Variants in PPM1H observed in about 807,000 individuals in gnomAD.
The protein encoded by PPM1H is protein phosphatase, Mg2+/Mn2+ dependent 1H, also known as protein phosphatase 1H.
Under a neutral mutation model 54.9 loss-of-function variants are expected in PPM1H, and 27 were observed. The observed-to-expected ratio is 0.49, with a 90% confidence interval of 0.36 to 0.68. The LOEUF is 0.68. Ranked by LOEUF, PPM1H falls within the 30% of genes least tolerant of loss-of-function variation. The pLI, the probability that PPM1H is intolerant of heterozygous loss-of-function variation, is 0.00. For missense variants in PPM1H, 596 were observed against 667.8 expected (o/e 0.89, Z 1.19); for synonymous variants, 305 against 270.8 (o/e 1.13, Z -1.24).
intron 9 of PPM1H, among the ~76,000 whole-genome samples, chr12:62,650,818 T>TC (rs1479168305): frequency 4.6e-5 from 7 of 151,972 alleles, no homozygotes; most frequent in African/African-American, 1.7e-4. Flanking sequence ...GGGAACTCGG[T>TC]CCCCATGATC....
intron 8 of PPM1H, among the ~76,000 whole-genome samples, chr12:62,672,530 T>C (rs2075962285): frequency 6.6e-6 from 1 of 152,222 alleles, no homozygotes; most frequent in Non-Finnish European, 1.5e-5. Flanking sequence ...TGTAAGAGTC[T>C]TGATTGTACA....
At chr12:62,679,451 T>C (rs1361182968) in intron 8 of PPM1H, among the ~76,000 whole-genome samples, 1 of 152,206 alleles carries the variant, frequency 6.6e-6, no homozygotes, top group African/African-American at 2.4e-5. Flanking sequence ...AGCTGTCAAA[T>C]ATGAATGCTT....
chr12:62,875,903 A>G (rs1243933862), intron 1 of PPM1H, among the ~76,000 whole-genome samples: 1 of 152,178 alleles, frequency 6.6e-6, no homozygotes, highest in Non-Finnish European at 1.5e-5. Context: ...TGTTGACTAG[A>G]TGGTATATTG....
At chr12:62,932,208 T>C (rs12371144) in intron 1 of PPM1H, among the ~76,000 whole-genome samples, 70,268 of 151,464 alleles carry the variant, frequency 0.46, 16,828 homozygotes, top group Non-Finnish European at 0.52. Context: ...ATATCTCTCA[T>C]GTTTTATTCT....
At chr12:62,925,172 AG>A (rs1871936084) in intron 1 of PPM1H, among the ~76,000 whole-genome samples, 1 of 152,252 alleles carries the variant, frequency 6.6e-6, no homozygotes. Context: ...TAATTAAAAA[AG>A]GGGAAACTAT....
At chr12:62,713,515 G>C (rs1229812696) in intron 6 of PPM1H, among the ~76,000 whole-genome samples, 6 of 152,286 alleles carry the variant, frequency 3.9e-5, no homozygotes, top group African/African-American at 1.4e-4. Flanking sequence ...GCTATGAAGT[G>C]AGTTGTTCCT....
intron 4 of PPM1H, among the ~76,000 whole-genome samples, chr12:62,779,664 C>T (rs1269732237): frequency 6.6e-6 from 1 of 152,198 alleles, no homozygotes; most frequent in African/African-American, 2.4e-5. Flanking sequence ...ATGAGATTGG[C>T]TCAAGGTCAC....
chr12:62,895,693 T>G (rs1347327366), intron 1 of PPM1H, among the ~76,000 whole-genome samples: 3 of 152,138 alleles, frequency 2.0e-5, no homozygotes, highest in African/African-American at 7.2e-5. Flanking sequence ...AATAACTGGT[T>G]GTTGAAAAGA....
At chr12:62,752,652 C>T (rs1037169920) in intron 4 of PPM1H, among the ~76,000 whole-genome samples, 4 of 152,102 alleles carry the variant, frequency 2.6e-5, no homozygotes, top group African/African-American at 9.7e-5. Flanking sequence ...CAAAGAGATA[C>T]ATATAAAGGA....
At chr12:62,776,432 G>C (rs2076611783) in intron 4 of PPM1H, among the ~76,000 whole-genome samples, 1 of 152,128 alleles carries the variant, frequency 6.6e-6, no homozygotes, top group Non-Finnish European at 1.5e-5. Flanking sequence ...CTCATTATCT[G>C]TCTTTCCATA....
intron 1 of PPM1H, among the ~76,000 whole-genome samples, chr12:62,893,342 G>A (rs1056499163): frequency 6.6e-6 from 1 of 152,030 alleles, no homozygotes; most frequent in Non-Finnish European, 1.5e-5. Flanking sequence ...TTTCTTCTGA[G>A]GCCTCTCTCC....
intron 4 of PPM1H, among the ~76,000 whole-genome samples, chr12:62,748,238 G>T (rs985258802): frequency 6.7e-6 from 1 of 148,524 alleles, no homozygotes; most frequent in African/African-American, 2.5e-5. Flanking sequence ...GCGAGACTCC[G>T]TCTCAAAAAA....
chr12:62,678,334 T>C (rs1275588254), intron 8 of PPM1H, among the ~76,000 whole-genome samples: 3 of 152,198 alleles, frequency 2.0e-5, no homozygotes, highest in African/African-American at 7.2e-5. Flanking sequence ...AGCTGAAACA[T>C]CCAAATGAAA....
intron 1 of PPM1H, among the ~76,000 whole-genome samples, chr12:62,892,454 C>A (rs1454228136): frequency 6.6e-6 from 1 of 152,178 alleles, no homozygotes; most frequent in African/African-American, 2.4e-5. Context: ...CTCAGGCCCT[C>A]CACAGTTCCT....
intron 8 of PPM1H, among the ~76,000 whole-genome samples, chr12:62,685,831 T>C (rs1020335915): frequency 1.3e-5 from 2 of 152,220 alleles, no homozygotes; most frequent in African/African-American, 4.8e-5. Context: ...ATTAGCTTAG[T>C]CATTCCATAA....
intron 2 of PPM1H, among the ~76,000 whole-genome samples, chr12:62,808,274 CAG>C (rs1359630432): frequency 3.3e-5 from 5 of 152,162 alleles, no homozygotes; most frequent in Non-Finnish European, 7.3e-5. Context: ...AAATGAGAGA[CAG>C]AGAATATAAC....
intron 6 of PPM1H, among the ~76,000 whole-genome samples, chr12:62,711,492 G>T (rs2120425384): frequency 6.6e-6 from 1 of 152,262 alleles, no homozygotes; most frequent in Middle Eastern, 3.4e-3. Flanking sequence ...GGCCTTCTTG[G>T]TTAAAAGGAC....
At chr12:62,742,038 C>CAAAGGG (rs2076384175) in intron 4 of PPM1H, among the ~76,000 whole-genome samples, 1 of 151,782 alleles carries the variant, frequency 6.6e-6, no homozygotes, top group Non-Finnish European at 1.5e-5. Flanking sequence ...CCTTGAAATA[C>CAAAGGG]AAAGGGAAAC....
chr12:62,645,331 T>C lies in PPM1H; in HGVS notation c.*3158A>G, dbSNP rs1247511768. On this transcript the variant is annotated 3_prime_UTR_variant, in exon 10 of 10. Coordinates refer to ENST00000228705, the MANE Select transcript of PPM1H (RefSeq NM_020700.2). ...TTCACAAAGCCTCATGGAGGTTAAGTTGTTCAAGAATTTAAAAAGTAAACA... is the reference window on the plus strand; with the variant it reads ...TTCACAAAGCCTCATGGAGGTTAAGCTGTTCAAGAATTTAAAAAGTAAACA... 6.6e-6 allele frequency: 1 copy of C among 152,180 alleles called. No homozygotes were observed. Among genetic ancestry groups the C allele is most frequent in the Non-Finnish European group, 1.5e-5 (1 of 68,038 alleles). 9.4% of individuals were successfully genotyped at this position (152,180 alleles called of 1,614,324 possible).
Sources: allele counts gnomAD v4.1 joint callset (sites outside exome capture counted in the v4.1 genomes callset), GRCh38; gene constraint gnomAD v4.1.1; transcripts MANE v1.5; gene names NCBI Gene and HGNC (gene_info 2026-07-23, HGNC 2026-07-21).